MAP3K15: variants seen among roughly 807,000 people sequenced by gnomAD.
MAP3K15 encodes the protein MAPK/ERK kinase kinase 15.
Under a neutral mutation model 99.5 loss-of-function variants are expected in MAP3K15, and 124 were observed. The observed-to-expected ratio is 1.25, with a 90% CI of 1.08 to 1.45. The LOEUF is 1.45. MAP3K15 is among the 40% of genes most tolerant of loss of function. The probability of loss-of-function intolerance (pLI) is 0.00; values close to 1 mark genes in which losing one functional copy is unlikely to be tolerated. For synonymous variants in MAP3K15, 494 were observed against 439.6 expected (o/e 1.12, Z -1.55); for missense variants, 1,242 against 1,079.7 (o/e 1.15, Z -2.11).
At chrX:19,362,918 G>A (rs1344769044) in intron 25 of MAP3K15, 68 bp from the exon 26 acceptor site, 3 of 611,908 alleles carry the variant, frequency 4.9e-6, no homozygotes, top group South Asian at 5.1e-5. Flanking sequence ...TTTAACTCAA[G>A]CATCTGTTGT....
At chrX:19,428,371 C>T (rs887497065) in intron 7 of MAP3K15, among the ~76,000 whole-genome samples, 1 of 111,953 alleles carries the variant, frequency 8.9e-6, no homozygotes, top group Admixed American at 9.5e-5. Context: ...TTCCCCACCA[C>T]CATAGTGGGA....
At chrX:19,502,575 T>A (rs2064447688) in intron 1 of MAP3K15, among the ~76,000 whole-genome samples, 1 of 111,732 alleles carries the variant, frequency 8.9e-6, no homozygotes, top group African/African-American at 3.3e-5. Context: ...TCCCAACACT[T>A]TGGGGGGCCA....
At chrX:19,470,115 G>A (rs1028129192) in intron 3 of MAP3K15, among the ~76,000 whole-genome samples, 6 of 111,575 alleles carry the variant, frequency 5.4e-5, no homozygotes, top group African/African-American at 9.8e-5. Flanking sequence ...TGTTTATTGC[G>A]GCACTATTCA....
intron 1 of MAP3K15, among the ~76,000 whole-genome samples, chrX:19,509,205 C>A (rs1423682585): frequency 9.0e-6 from 1 of 111,544 alleles, no homozygotes; most frequent in East Asian, 2.8e-4. Flanking sequence ...TTAAATTTCC[C>A]ATAGATGATG....
At chrX:19,394,804 T>C in intron 16 of MAP3K15, among the ~76,000 whole-genome samples, 1 of 55,644 alleles carries the variant, frequency 1.8e-5, no homozygotes, top group African/African-American at 1.1e-4. Context: ...TTTTTTTTTT[T>C]TTTTTTTTTT....
rs1241881265 is a variant in MAP3K15, at chrX:19,367,480, A to C, written c.3566+1574T>G. On this transcript the variant is annotated intron_variant, in intron 25 of 28. Coordinates refer to ENST00000338883, the MANE Select transcript of MAP3K15 (RefSeq NM_001001671.4). ...ACTCTTGAACTTAAAAAAAAAAAAA[A>C]ACTTTCAAAATGTTGCCACCACTAC... is the stretch of plus-strand genomic sequence containing the variant. Among the ~76,000 whole-genome samples the C allele has an allele frequency of 1.6e-4, 17 of 103,332 alleles. No individual in the cohort carries two copies. The Admixed American group carries it at 1.7e-3, about 10-fold the overall frequency. 89.7% of individuals were successfully genotyped at this position (103,332 alleles called of 115,157 possible).
intron 28 of MAP3K15, 173 bp from the exon 29 acceptor site, chrX:19,361,006 A>G (rs1688655915): frequency 2.4e-6 from 1 of 423,043 alleles, no homozygotes; most frequent in African/African-American, 2.5e-5. Flanking sequence ...GTACCTGCAG[A>G]GAGCTGGCTA....
chrX:19,482,239 T>C (rs1254738701), intron 3 of MAP3K15: 3 of 105,821 alleles, frequency 2.8e-5, no homozygotes, highest in African/African-American at 1.1e-4. Context: ...TTCCTAGGTA[T>C]GTATCCAAGA....
chrX:19,413,159 C>T (rs1712049812), intron 11 of MAP3K15, among the ~76,000 whole-genome samples, 198 bp downstream of exon 11: 1 of 109,228 alleles, frequency 9.2e-6, no homozygotes, highest in Non-Finnish European at 1.9e-5. Context: ...CACCCCCACA[C>T]CTCACCACAT....
chrX:19,381,219 T>C (rs902030007), intron 18 of MAP3K15, among the ~76,000 whole-genome samples: 1 of 111,701 alleles, frequency 9.0e-6, no homozygotes, highest in Non-Finnish European at 1.9e-5. Context: ...GAGAGATTTA[T>C]TGGGGAGAAG....
chrX:19,404,891 T>C (rs1405613284), intron 13 of MAP3K15, among the ~76,000 whole-genome samples: 1 of 111,637 alleles, frequency 9.0e-6, no homozygotes, highest in Non-Finnish European at 1.9e-5. Flanking sequence ...AACCTAAACA[T>C]ATAAAAGTTA....
chrX:19,492,796 G>A lies in MAP3K15; in HGVS notation c.362-3829C>T, dbSNP rs72616080. 4.1e-4 allele frequency among the ~76,000 whole-genome samples: 45 copies of A among 110,320 alleles called. 1 individual carries two copies. The East Asian group carries it at 6.8e-3, about 17-fold the overall frequency. On this transcript the variant is annotated intron_variant, in intron 1 of 28. Transcript: ENST00000338883. ...AGCCTACCCAACGTGGTGAAATCCC[G>A]TCTCTACTAAAAATACAAAAAATTA... is the stretch of plus-strand genomic sequence containing the variant.
rs201957217 is a variant in MAP3K15 at position 19,424,193 on chromosome X, TAC to T, written c.1439+1336_1439+1337del. ...GTCCTTCCAGCAAATCATGTATATA[TAC>T]ACACACACACACACATATATACACA... On this transcript the variant is annotated intron_variant, in intron 9 of 28. Coordinates refer to ENST00000338883, the MANE Select transcript of MAP3K15 (RefSeq NM_001001671.4). Among the ~76,000 whole-genome samples, 489 of 106,587 alleles carry T rather than the reference TAC, an allele frequency of 4.6e-3. 1 individual carries two copies. Among genetic ancestry groups the T allele is most frequent in the African/African-American group, 8.6e-3 (250 of 29,116 alleles). 92.6% of individuals were successfully genotyped at this position (106,587 alleles called of 115,157 possible).
chrX:19,391,453 G>A (rs184404235), intron 18 of MAP3K15, among the ~76,000 whole-genome samples: 1,440 of 109,666 alleles, frequency 0.013, 19 homozygotes, highest in African/African-American at 0.045. Flanking sequence ...TGAGGTGGGC[G>A]AATCACTTGA....
intron 25 of MAP3K15, among the ~76,000 whole-genome samples, chrX:19,366,510 G>T (rs777602968): frequency 5.3e-4 from 59 of 111,752 alleles, no homozygotes; most frequent in Non-Finnish European, 1.0e-3. Context: ...GGAGATAATT[G>T]AATCATGGGG....
At chrX:19,507,638 T>C (rs1013517874) in intron 1 of MAP3K15, among the ~76,000 whole-genome samples, 2 of 75,902 alleles carry the variant, frequency 2.6e-5, no homozygotes, top group Non-Finnish European at 5.1e-5. Context: ...TCAACCCTAA[T>C]GTAAACTAAA....
At chrX:19,364,245 T>A (rs1411154041) in intron 25 of MAP3K15, among the ~76,000 whole-genome samples, 2 of 112,120 alleles carry the variant, frequency 1.8e-5, no homozygotes, top group East Asian at 5.6e-4. Flanking sequence ...AACCCAGTCT[T>A]GCTCATGGGC....
chrX:19,459,049 A>T (rs747090157), intron 5 of MAP3K15, among the ~76,000 whole-genome samples: 1 of 111,779 alleles, frequency 8.9e-6, no homozygotes, highest in Non-Finnish European at 1.9e-5. Flanking sequence ...CAGAATAAAC[A>T]TCTACATTCC....
chrX:19,511,933 G>C (rs1479298820), intron 1 of MAP3K15, among the ~76,000 whole-genome samples: 1 of 112,082 alleles, frequency 8.9e-6, no homozygotes, highest in Non-Finnish European at 1.9e-5. Context: ...GCCCATCAAT[G>C]ATAGACTGGA....
Sources: allele counts gnomAD v4.1 joint callset (sites outside exome capture counted in the v4.1 genomes callset), GRCh38; gene constraint gnomAD v4.1.1; transcripts MANE v1.5; gene names NCBI Gene and HGNC (gene_info 2026-07-23, HGNC 2026-07-21).